FAM149B1: variants seen among roughly 807,000 people sequenced by gnomAD.
The protein encoded by FAM149B1 is family with sequence similarity 149 member B1, also known as primary cilium assembly protein FAM149B1.
A neutral mutation model predicts 75.3 loss-of-function variants in FAM149B1; 56 were observed. The ratio of observed to expected loss-of-function variants is 0.74; its 90% CI spans 0.60 to 0.93. FAM149B1 has a LOEUF of 0.93. Among genes scored for constraint, FAM149B1 ranks in the 40% least tolerant of loss-of-function variants. The pLI, the probability that FAM149B1 is intolerant of heterozygous loss-of-function variation, is 0.00. For synonymous variants in FAM149B1, 259 were observed against 256.1 expected, an observed-to-expected ratio of 1.01 and a Z score of -0.11; for missense variants, 639 against 708.4, an observed-to-expected ratio of 0.90 and a Z score of 1.11.
At chr10:73,240,455 G>A (rs1045713777) in intron 13 of FAM149B1, among the ~76,000 whole-genome samples, 13 of 152,330 alleles carry the variant, frequency 8.5e-5, no homozygotes, top group African/African-American at 2.6e-4. Flanking sequence ...GCTCATGCCT[G>A]TAATCCCAGC....
intron 5 of FAM149B1, among the ~76,000 whole-genome samples, chr10:73,205,561 T>G (rs987893639): frequency 6.6e-6 from 1 of 151,944 alleles, no homozygotes; most frequent in Admixed American, 6.6e-5. Context: ...TTTGTTTTTT[T>G]GGGTTTTTTT....
intron 12 of FAM149B1, among the ~76,000 whole-genome samples, chr10:73,237,342 T>A (rs2043843860): frequency 2.6e-5 from 4 of 152,218 alleles, no homozygotes; most frequent in Admixed American, 2.6e-4. Context: ...TTCTACTGAA[T>A]TTGCCTTCTT....
chr10:73,175,493 C>T (rs1843914468), intron 2 of FAM149B1, among the ~76,000 whole-genome samples: 1 of 151,716 alleles, frequency 6.6e-6, no homozygotes, highest in Non-Finnish European at 1.5e-5. Context: ...CACGGTGAAA[C>T]CCCGTCTCTA....
intron 5 of FAM149B1, among the ~76,000 whole-genome samples, chr10:73,197,527 T>C (rs2042834675): frequency 6.6e-6 from 1 of 152,102 alleles, no homozygotes. Context: ...CCTAGCACTC[T>C]AGGAGGCTGA....
chr10:73,241,013 AC>A lies in FAM149B1; in HGVS notation c.1745del (p.Pro582HisfsTer18). On this transcript the variant is annotated frameshift_variant, in exon 14 of 14. Transcript: ENST00000242505. LOFTEE classifies it high-confidence loss of function. ...GACCAGTCTCTCGAACCAGGCAGGG[AC>A]CATAAGGCAAATGAGAAGAATCTAT... ...GRPVSRTRQG[P>X] 1 of 1,531,486 alleles carries A rather than the reference AC, an allele frequency of 6.5e-7. No homozygotes were observed. Among genetic ancestry groups the A allele is most frequent in the Non-Finnish European group, 8.8e-7 (1 of 1,131,608 alleles). 94.9% of individuals were successfully genotyped at this position (1,531,486 alleles called of 1,614,324 possible). A position where few individuals can be genotyped will look rare whatever the true frequency, so the allele number is the denominator to read the frequency against.
In FAM149B1 at chr10:73,234,722, C is replaced by G. The variant is rs1051773279; in HGVS notation, c.1353-95C>G. 6.7e-6 allele frequency: 9 copies of G among 1,349,126 alleles called. No homozygotes were observed. In the Middle Eastern group the frequency reaches 5.5e-4, roughly 82 times the overall value. The allele number at this position is 1,349,126 out of a possible 1,614,324, so 83.6% of individuals were successfully genotyped here. A position where few individuals can be genotyped will look rare whatever the true frequency, so the allele number is the denominator to read the frequency against. On this transcript the variant is annotated intron_variant, in intron 10 of 13. Transcript: ENST00000242505. ...CCTAAAGCTTTCTGTGCACATTAAA[C>G]TCATCTGCTTCATTTATCTGATTTC...
At chr10:73,169,964 A>G (rs1425126475) in intron 1 of FAM149B1, among the ~76,000 whole-genome samples, 2 of 151,728 alleles carry the variant, frequency 1.3e-5, no homozygotes, top group Non-Finnish European at 2.9e-5. Flanking sequence ...TTAATTAAAT[A>G]TTAACTTTTC....
At chr10:73,178,896 AT>A (rs1339142239) in intron 3 of FAM149B1, among the ~76,000 whole-genome samples, 90 of 152,174 alleles carry the variant, frequency 5.9e-4, no homozygotes, top group Non-Finnish European at 2.5e-4. Flanking sequence ...AACTCTAAAA[AT>A]TTTTTAAAGA....
At chr10:73,230,758 T>C (rs138750998) in intron 9 of FAM149B1, 2 of 418,330 alleles carry the variant, frequency 4.8e-6, no homozygotes, top group East Asian at 4.5e-5. Context: ...TTTTTGTAAC[T>C]GAGTGCCATG....
Position 73,242,007 on chromosome 10 carries a change from G to A in FAM149B1, c.*988G>A, listed in dbSNP as rs111489545. ...ATTTCACTAAATACAAATCTTGATT[G>A]TCATGCCAGTTTTAGATCTTATTAA... On this transcript the variant is annotated 3_prime_UTR_variant, in exon 14 of 14. Transcript: ENST00000242505. 4 of 152,148 alleles carry A rather than the reference G, an allele frequency of 2.6e-5. No homozygotes were observed. Among genetic ancestry groups the A allele is most frequent in the African/African-American group, 9.7e-5 (4 of 41,442 alleles). 9.4% of individuals were successfully genotyped at this position (152,148 alleles called of 1,614,324 possible).
intron 3 of FAM149B1, among the ~76,000 whole-genome samples, chr10:73,184,456 A>AG (rs1447059761): frequency 6.6e-6 from 1 of 152,156 alleles, no homozygotes; most frequent in Non-Finnish European, 1.5e-5. Flanking sequence ...AAACACCTGA[A>AG]CAGTACTATC....
chr10:73,226,668 A>C (rs891973332), intron 7 of FAM149B1, among the ~76,000 whole-genome samples: 9 of 152,224 alleles, frequency 5.9e-5, no homozygotes, highest in Admixed American at 5.2e-4. Flanking sequence ...TTGTTTAAGA[A>C]ATAAACCAGT....
In FAM149B1 at chr10:73,243,476, G is replaced by A; in HGVS notation, c.*2457G>A. 1 of 1,614,012 alleles carries A rather than the reference G, an allele frequency of 6.2e-7. No homozygotes were observed. Among genetic ancestry groups the A allele is most frequent in the South Asian group, 1.1e-5 (1 of 91,084 alleles). ...TTTGCAGTACTTTGCTTCCATCTGA[G>A]CCAGAAAATTGTCCATTTCCTTTTG... On this transcript the variant is annotated 3_prime_UTR_variant, in exon 14 of 14. Transcript: ENST00000242505.
chr10:73,199,218 G>GTTC (rs2042878066), intron 5 of FAM149B1, among the ~76,000 whole-genome samples: 1 of 151,608 alleles, frequency 6.6e-6, no homozygotes, highest in Non-Finnish European at 1.5e-5. Flanking sequence ...TGTTGTTGTT[G>GTTC]TTGTTGTTGT....
intron 3 of FAM149B1, 67 bp downstream of exon 3, chr10:73,178,042 T>C (rs957072923): frequency 2.1e-6 from 3 of 1,427,414 alleles, no homozygotes; most frequent in Non-Finnish European, 2.8e-6. Flanking sequence ...GATTTGTCAG[T>C]ATATTTCATT....
At chr10:73,224,027 AG>A (rs775220036) in intron 7 of FAM149B1, among the ~76,000 whole-genome samples, 3 of 152,210 alleles carry the variant, frequency 2.0e-5, no homozygotes, top group Non-Finnish European at 4.4e-5. Context: ...TCATAAATTA[AG>A]ATTATTTTAT....
chr10:73,215,549 T>C (rs1410918618), intron 7 of FAM149B1, among the ~76,000 whole-genome samples: 3 of 152,174 alleles, frequency 2.0e-5, no homozygotes, highest in African/African-American at 4.8e-5. Flanking sequence ...ATATAAGCAT[T>C]TATTGCTATA....
chr10:73,204,807 T>C (rs944875475), intron 5 of FAM149B1, among the ~76,000 whole-genome samples: 16 of 141,828 alleles, frequency 1.1e-4, no homozygotes, highest in Non-Finnish European at 2.0e-4. Context: ...AGACGGAGTC[T>C]CGCTCTGACG....
chr10:73,239,652 CTTT>C (rs34824883), intron 13 of FAM149B1, among the ~76,000 whole-genome samples: 1 of 140,550 alleles, frequency 7.1e-6, no homozygotes, highest in Non-Finnish European at 1.6e-5. Context: ...GGTAAACTGC[CTTT>C]TTTTTTTTTT....
Sources: allele counts gnomAD v4.1 joint callset (sites outside exome capture counted in the v4.1 genomes callset), GRCh38; gene constraint gnomAD v4.1.1; transcripts MANE v1.5; gene names NCBI Gene and HGNC (gene_info 2026-07-23, HGNC 2026-07-21).